The following PTAR1 variants were observed in gnomAD, a reference collection of about 807,000 sequenced individuals.
PTAR1 encodes the protein protein prenyltransferase alpha subunit repeat-containing protein 1.
A neutral mutation model predicts 45.5 loss-of-function variants in PTAR1; 17 were observed. The ratio of observed to expected loss-of-function variants is 0.37; its 90% CI spans 0.26 to 0.56. The LOEUF is 0.56. Among genes scored for constraint, PTAR1 ranks in the 20% least tolerant of loss-of-function variants. The pLI is 0.77. For synonymous variants in PTAR1, 169 were observed against 171.3 expected, an observed-to-expected ratio of 0.99 and a Z score of 0.11; for missense variants, 391 against 476.3, an observed-to-expected ratio of 0.82 and a Z score of 1.67.
chr9:69,733,870 A>G (rs1825661227), intron 4 of PTAR1, among the ~76,000 whole-genome samples: 1 of 152,206 alleles, frequency 6.6e-6, no homozygotes, highest in Admixed American at 6.5e-5. Context: ...TGGGAGTGTT[A>G]CATGCATTAA....
chr9:69,719,663 T>C (rs1824894904), intron 6 of PTAR1, among the ~76,000 whole-genome samples: 1 of 152,214 alleles, frequency 6.6e-6, no homozygotes, highest in Non-Finnish European at 1.5e-5. Flanking sequence ...TGCTTTGCTC[T>C]AATGTGCTTT....
Position 69,718,315 on chromosome 9 carries a change from G to A in PTAR1, c.*27C>T. 1 of 1,498,876 alleles carries A rather than the reference G, an allele frequency of 6.7e-7. No homozygotes were observed. The highest frequency in any genetic ancestry group is 2.3e-5 in the East Asian group (1 of 43,770). The allele number at this position is 1,498,876 out of a possible 1,614,324, so 92.8% of individuals were successfully genotyped here. A position where few individuals can be genotyped will look rare whatever the true frequency, so the allele number is the denominator to read the frequency against. On this transcript the variant is annotated 3_prime_UTR_variant, in exon 8 of 8. Coordinates refer to ENST00000340434, the MANE Select transcript of PTAR1 (RefSeq NM_001099666.2). Reference sequence around the variant, plus strand: ...AGAAAGCAATATTGCACTAAAAGGGGAACCTTGTAGGACTAATTCACCTCT... The same window carrying A: ...AGAAAGCAATATTGCACTAAAAGGGAAACCTTGTAGGACTAATTCACCTCT...
intron 2 of PTAR1, among the ~76,000 whole-genome samples, chr9:69,750,516 A>AC (rs1826478699): frequency 1.3e-5 from 2 of 151,510 alleles, no homozygotes; most frequent in African/African-American, 4.9e-5. Flanking sequence ...ACCCCAATAC[A>AC]TAAACTGATA....
chr9:69,730,162 A>C (rs753540213), intron 5 of PTAR1, among the ~76,000 whole-genome samples: 1 of 152,056 alleles, frequency 6.6e-6, no homozygotes, highest in Non-Finnish European at 1.5e-5. Context: ...CAAGAGCAAG[A>C]GATGTTGCAG....
rs763777137 is a variant in PTAR1 at position 69,750,788 on chromosome 9, G to A, written c.249C>T (p.Asn83=). 4 of 1,606,300 alleles carry A rather than the reference G, an allele frequency of 2.5e-6. No homozygotes were observed. The highest frequency in any genetic ancestry group is 8.5e-7 in the Non-Finnish European group (1 of 1,176,636). ...AATATGATTCATACTTACCATCTCT[G>A]TTCAGCCATTGCTTTCTTGTTCTGT... ...LLYRTRKQWL[N]RDELIDVTCT... is the part of the protein sequence containing the mutation. Residue 83 remains asparagine (N), a synonymous_variant, in exon 2 of 8, where the codon AAC becomes AAT. Transcript: ENST00000340434.
At chr9:69,748,751 T>G (rs1173892778) in intron 2 of PTAR1, among the ~76,000 whole-genome samples, 2 of 152,266 alleles carry the variant, frequency 1.3e-5, no homozygotes, top group African/African-American at 4.8e-5. Flanking sequence ...ATGTTTTTCT[T>G]AGCAAGATTC....
intron 5 of PTAR1, among the ~76,000 whole-genome samples, 172 bp from the exon 6 acceptor site, chr9:69,723,802 T>C (rs981875848): frequency 1.3e-4 from 20 of 152,176 alleles, no homozygotes; most frequent in African/African-American, 4.8e-4. Flanking sequence ...GCTTAATACA[T>C]GCGAATTTTC....
chr9:69,746,879 A>G (rs1307989147), intron 2 of PTAR1, among the ~76,000 whole-genome samples: 2 of 152,224 alleles, frequency 1.3e-5, no homozygotes, highest in African/African-American at 2.4e-5. Context: ...TGGATTTGAC[A>G]ACTGTCTCTA....
chr9:69,746,215 G>C (rs180759293), intron 2 of PTAR1, among the ~76,000 whole-genome samples: 18 of 152,306 alleles, frequency 1.2e-4, no homozygotes, highest in African/African-American at 3.8e-4. Flanking sequence ...AACTAGATTA[G>C]AAGTATCAGA....
intron 3 of PTAR1, among the ~76,000 whole-genome samples, chr9:69,736,661 T>C (rs952000421): frequency 6.6e-6 from 1 of 152,198 alleles, no homozygotes; most frequent in Non-Finnish European, 1.5e-5. Flanking sequence ...TTCCCATATA[T>C]ATCCATATAT....
At chr9:69,736,465 G>C (rs1159333185) in intron 3 of PTAR1, among the ~76,000 whole-genome samples, 1 of 152,168 alleles carries the variant, frequency 6.6e-6, no homozygotes. Flanking sequence ...GCTGAGGCAG[G>C]AGAATCGCTT....
intron 5 of PTAR1, among the ~76,000 whole-genome samples, chr9:69,728,155 T>A (rs1446672825): frequency 6.6e-6 from 1 of 152,196 alleles, no homozygotes; most frequent in Non-Finnish European, 1.5e-5. Context: ...CAATGTTCTA[T>A]TGCATGGATA....
At chr9:69,728,960 C>A (rs778512727) in intron 5 of PTAR1, among the ~76,000 whole-genome samples, 4 of 152,118 alleles carry the variant, frequency 2.6e-5, no homozygotes, top group African/African-American at 7.2e-5. Flanking sequence ...TTACCATGTG[C>A]CAAGCACTGT....
chr9:69,743,625 C>T (rs1826135043), intron 2 of PTAR1, among the ~76,000 whole-genome samples: 1 of 152,094 alleles, frequency 6.6e-6, no homozygotes, highest in Non-Finnish European at 1.5e-5. Flanking sequence ...GAATAATTAA[C>T]CTCTTCATTT....
At chr9:69,749,928 G>A (rs1479830893) in intron 2 of PTAR1, among the ~76,000 whole-genome samples, 1 of 151,998 alleles carries the variant, frequency 6.6e-6, no homozygotes, top group Non-Finnish European at 1.5e-5. Context: ...AAATTCTCTA[G>A]GAAACAAAGT....
intron 3 of PTAR1, among the ~76,000 whole-genome samples, chr9:69,736,244 GT>G (rs1219038098): frequency 1.3e-5 from 2 of 152,254 alleles, no homozygotes; most frequent in East Asian, 3.9e-4. Context: ...AGCAATATGT[GT>G]TTTAAAACAA....
chr9:69,734,475 C>T (rs1825690674), intron 3 of PTAR1, among the ~76,000 whole-genome samples: 1 of 151,948 alleles, frequency 6.6e-6, no homozygotes, highest in Non-Finnish European at 1.5e-5. Flanking sequence ...CCCAATATAA[C>T]AAACTAATAA....
Position 69,723,391 on chromosome 9 carries a change from T to G in PTAR1, c.882A>C (p.Glu294Asp). The G allele has an allele frequency of 6.2e-7, 1 of 1,613,930 alleles. No homozygotes were observed. The highest frequency in any genetic ancestry group is 8.5e-7 in the Non-Finnish European group (1 of 1,179,830). Residue 294 changes from glutamate to aspartate, a missense_variant, in exon 6 of 8, where the codon GAA becomes GAC. By Grantham distance (45) the Glu-to-Asp change is conservative. Around this residue, in one of 5 missense-constraint regions of PTAR1, gnomAD observed 181 missense variants for 227.7 expected, o/e 0.80. Transcript: ENST00000340434. ...TAAGATCAGTGCTGAATTCAACTTC[T>G]TCTTCTAGAAGATGGGGAAGATTAA... Reference protein sequence around the residue: ...PRINLPHLLEEEVEFSTDLID... With the variant: ...PRINLPHLLEDEVEFSTDLID...
In PTAR1 at chr9:69,750,267, G is replaced by A. The variant is rs114247675; in HGVS notation, c.256+514C>T. ...TTCAGCACAGGAACAGGATACAAAC[G>A]GCCAGAGCTCAACTGGAACTTGCAG... On this transcript the variant is annotated intron_variant, in intron 2 of 7. Transcript: ENST00000340434. Among the ~76,000 whole-genome samples, 873 of 152,008 alleles carry A rather than the reference G, an allele frequency of 5.7e-3. 9 individuals carry two copies. The highest frequency in any genetic ancestry group is 0.018 in the African/African-American group (739 of 41,462).
Sources: gnomAD v4.1 joint callset for allele counts (sites outside exome capture counted in the v4.1 genomes callset) on GRCh38, gnomAD v4.1.1 for gene constraint, gnomAD v4.1.1 regional missense constraint, MANE v1.5 for transcripts, NCBI Gene and HGNC (gene_info 2026-07-23, HGNC 2026-07-21) for gene names.